Variants in PLAC8L1 observed in about 807,000 individuals in gnomAD.
PLAC8L1 encodes PLAC8-like protein 1.
In PLAC8L1, 13 loss-of-function variants were observed where a neutral mutation model predicts 16.3. That is an observed-to-expected ratio of 0.80 (90% CI 0.52 to 1.27). The LOEUF (loss-of-function observed/expected upper bound fraction) is 1.27. Among genes scored for constraint, PLAC8L1 ranks in the 50% most tolerant of loss-of-function variants. The pLI is 0.00. For missense variants in PLAC8L1, 184 were observed against 220.2 expected, an observed-to-expected ratio of 0.84 and a Z score of 1.04; for synonymous variants, 78 against 79.3, an observed-to-expected ratio of 0.98 and a Z score of 0.09.
intron 1 of PLAC8L1, among the ~76,000 whole-genome samples, chr5:146,103,333 A>AT (rs778276413): frequency 6.6e-5 from 10 of 152,038 alleles, no homozygotes; most frequent in Non-Finnish European, 1.2e-4. Context: ...CTAATTCTGT[A>AT]TTTTTAGTAA....
chr5:146,086,231 G>A (rs1344967426), intron 2 of PLAC8L1, among the ~76,000 whole-genome samples: 3 of 151,234 alleles, frequency 2.0e-5, no homozygotes, highest in Non-Finnish European at 4.4e-5. Context: ...GGGTTTCACC[G>A]TTTTAGCCGG....
chr5:146,103,627 C>CTT (rs1763859923), intron 1 of PLAC8L1: 1 of 978,742 alleles, frequency 1.0e-6, no homozygotes, highest in South Asian at 4.7e-5. Flanking sequence ...GTGAGGGAGG[C>CTT]TTTAACTCAG....
chr5:146,095,546 T>A (rs1175261009), intron 2 of PLAC8L1, among the ~76,000 whole-genome samples: 2 of 152,230 alleles, frequency 1.3e-5, no homozygotes, highest in Non-Finnish European at 2.9e-5. Flanking sequence ...ACTCATCTAC[T>A]CTTTGCTCTC....
At chr5:146,103,025 T>C (rs1763847250) in intron 1 of PLAC8L1, among the ~76,000 whole-genome samples, 1 of 152,224 alleles carries the variant, frequency 6.6e-6, no homozygotes, top group Non-Finnish European at 1.5e-5. Context: ...AGGTTTTCAG[T>C]TGTCATATGT....
rs369159577 is a variant in PLAC8L1, at chr5:146,098,248, C to A, written c.164G>T (p.Gly55Val). Residue 55 changes from glycine to valine, a missense_variant, in exon 2 of 4, where the codon GGA becomes GTA. Transcript: ENST00000311450. ...ASAVVKQPVRGASGRTTITAI... is the reference protein window; with the variant it reads ...ASAVVKQPVRVASGRTTITAI... ...TGTGATTGTCGTCCTGCCACTGGCT[C>A]CCCGAACAGGCTGCTTCACCACAGC... 4 of 1,614,004 alleles carry A rather than the reference C, an allele frequency of 2.5e-6. No homozygotes were observed. The highest frequency in any genetic ancestry group is 3.4e-6 in the Non-Finnish European group (4 of 1,180,004).
intron 2 of PLAC8L1, among the ~76,000 whole-genome samples, chr5:146,095,378 G>A (rs185754141): frequency 1.9e-4 from 29 of 152,296 alleles, no homozygotes; most frequent in African/African-American, 7.0e-4. Flanking sequence ...TGTGGTTGGT[G>A]TCCTGAGCGT....
chr5:146,102,031 G>A (rs1040968415), intron 1 of PLAC8L1, among the ~76,000 whole-genome samples: 1 of 141,750 alleles, frequency 7.1e-6, no homozygotes, highest in African/African-American at 2.5e-5. Context: ...TTTTTTTTCT[G>A]TGTTTACCCT....
chr5:146,099,716 C>A (rs1023302881), intron 1 of PLAC8L1, among the ~76,000 whole-genome samples: 1 of 151,316 alleles, frequency 6.6e-6, no homozygotes, highest in East Asian at 1.9e-4. Flanking sequence ...AATTCAGCAC[C>A]TGGGACACAT....
chr5:146,096,376 C>T (rs1022671837), intron 2 of PLAC8L1, among the ~76,000 whole-genome samples: 2 of 152,232 alleles, frequency 1.3e-5, no homozygotes, highest in Admixed American at 6.5e-5. Context: ...TAAAGTGACA[C>T]TACTCAACCT....
In PLAC8L1 at chr5:146,085,462, T is replaced by A; in HGVS notation, c.392A>T (p.Gln131Leu). 5 of 1,613,966 alleles carry A rather than the reference T, an allele frequency of 3.1e-6. No individual in the cohort carries two copies. Among genetic ancestry groups the A allele is most frequent in the Non-Finnish European group, 4.2e-6 (5 of 1,179,900 alleles). ...RIGTRERHKI[Q>L]GTLCEDWLAV... is the part of the protein sequence containing the mutation. ...ACGTATACCTTCAAACACACTTACC[T>A]GTATTTTATGTCTCTCCCTGGTGCC... is the stretch of plus-strand genomic sequence containing the variant. Residue 131 changes from glutamine (Q) to leucine (L), a missense_variant and splice_region_variant, in exon 3 of 4, where the codon CAG (glutamine) becomes CTG (leucine). By Grantham distance (113) the Gln-to-Leu change is moderately radical (BLOSUM62 -2). Transcript: ENST00000311450.
intron 2 of PLAC8L1, among the ~76,000 whole-genome samples, chr5:146,093,317 T>A (rs1268460307): frequency 6.6e-6 from 1 of 152,164 alleles, no homozygotes; most frequent in African/African-American, 2.4e-5. Context: ...GCTTTTCATA[T>A]ACAAAAAAGG....
chr5:146,087,939 T>C (rs1039663106), intron 2 of PLAC8L1, among the ~76,000 whole-genome samples: 1 of 152,094 alleles, frequency 6.6e-6, no homozygotes, highest in Non-Finnish European at 1.5e-5. Flanking sequence ...CAACCAGATC[T>C]CATAAGAACT....
chr5:146,085,645 GC>G, intron 2 of PLAC8L1, 48 bp from the exon 3 acceptor site: 1 of 1,573,284 alleles, frequency 6.4e-7, no homozygotes, highest in South Asian at 1.2e-5. Flanking sequence ...ATTTCTTGGA[GC>G]AACTTCACAT....
chr5:146,086,541 A>G (rs1763520551), intron 2 of PLAC8L1, among the ~76,000 whole-genome samples: 1 of 152,208 alleles, frequency 6.6e-6, no homozygotes, highest in Non-Finnish European at 1.5e-5. Flanking sequence ...ATTGTTTTCT[A>G]CATATTCTGC....
intron 2 of PLAC8L1, among the ~76,000 whole-genome samples, chr5:146,089,168 T>TA (rs899869955): frequency 1.6e-4 from 24 of 151,974 alleles, no homozygotes; most frequent in African/African-American, 3.9e-4. Flanking sequence ...ATATGCTTTT[T>TA]AAAAAAAACA....
At chr5:146,099,943 T>A (rs1763786543) in intron 1 of PLAC8L1, among the ~76,000 whole-genome samples, 1 of 152,188 alleles carries the variant, frequency 6.6e-6, no homozygotes, top group Admixed American at 6.5e-5. Context: ...TTCCCAAAGA[T>A]GATAGCACAT....
At chr5:146,104,122 A>T in intron 1 of PLAC8L1, 71 bp downstream of exon 1, 1 of 1,560,802 alleles carries the variant, frequency 6.4e-7, no homozygotes, top group Middle Eastern at 1.8e-4. Flanking sequence ...CTGGTTCCTT[A>T]TAAGTAGAGG....
chr5:146,092,667 A>C (rs545341751), intron 2 of PLAC8L1, among the ~76,000 whole-genome samples: 1 of 149,064 alleles, frequency 6.7e-6, no homozygotes, highest in South Asian at 2.1e-4. Flanking sequence ...TCAGCATCCC[A>C]GGCAGCTGGG....
At chr5:146,088,987 C>G (rs1454945812) in intron 2 of PLAC8L1, among the ~76,000 whole-genome samples, 1 of 152,114 alleles carries the variant, frequency 6.6e-6, no homozygotes, top group Non-Finnish European at 1.5e-5. Flanking sequence ...TTAATCAAAA[C>G]TTGCTTAATT....
Sources: allele counts gnomAD v4.1 joint callset (sites outside exome capture counted in the v4.1 genomes callset), GRCh38; gene constraint gnomAD v4.1.1; transcripts MANE v1.5; gene names NCBI Gene and HGNC (gene_info 2026-07-23, HGNC 2026-07-21).